C8orf34: variants seen among roughly 807,000 people sequenced by gnomAD.
C8orf34 encodes uncharacterized protein C8orf34.
In C8orf34, 65 loss-of-function variants were observed where a neutral mutation model predicts 68.3. The observed-to-expected ratio is 0.95, with a 90% CI of 0.78 to 1.17. The LOEUF (loss-of-function observed/expected upper bound fraction) is 1.17. Among genes scored for constraint, C8orf34 ranks in the 50% most tolerant of loss-of-function variants. The pLI, the probability that C8orf34 is intolerant of heterozygous loss-of-function variation, is 0.00. For missense variants in C8orf34, 664 were observed against 655.4 expected, an observed-to-expected ratio of 1.01 and a Z score of -0.14; for synonymous variants, 244 against 241.2, an observed-to-expected ratio of 1.01 and a Z score of -0.11.
intron 7 of C8orf34, chr8:68,535,100 C>A (rs1815407321): frequency 1.0e-6 from 1 of 984,896 alleles, no homozygotes; most frequent in African/African-American, 1.7e-5. Flanking sequence ...GTCCACTGGA[C>A]TTTATCTTAA....
chr8:68,536,065 A>G (rs899620775), intron 7 of C8orf34, among the ~76,000 whole-genome samples: 2 of 152,060 alleles, frequency 1.3e-5, no homozygotes, highest in Non-Finnish European at 2.9e-5. Context: ...CAAAAATGGA[A>G]TGACAAGTTA....
chr8:68,484,592 A>G (rs1327618541), intron 4 of C8orf34, among the ~76,000 whole-genome samples: 1 of 152,208 alleles, frequency 6.6e-6, no homozygotes, highest in African/African-American at 2.4e-5. Flanking sequence ...AATTTAAAAT[A>G]TGATACCTTT....
At chr8:68,640,247 A>T in intron 7 of C8orf34, 129 bp from the exon 8 acceptor site, 1 of 737,940 alleles carries the variant, frequency 1.4e-6, no homozygotes. Flanking sequence ...ATATGTAGTT[A>T]GATTTTTGCA....
intron 1 of C8orf34, among the ~76,000 whole-genome samples, chr8:68,385,219 C>T (rs552914046): frequency 6.6e-6 from 1 of 152,122 alleles, no homozygotes; most frequent in Non-Finnish European, 1.5e-5. Flanking sequence ...TTGTCAGCCT[C>T]ATTTTAGTGA....
chr8:68,525,414 C>T (rs546682317), intron 6 of C8orf34: 3 of 396,726 alleles, frequency 7.6e-6, no homozygotes, highest in Admixed American at 4.2e-5. Flanking sequence ...TACCTCATAA[C>T]TTATAAATTT....
At chr8:68,806,133 C>T (rs376736417) in intron 12 of C8orf34, among the ~76,000 whole-genome samples, 3 of 151,882 alleles carry the variant, frequency 2.0e-5, no homozygotes, top group African/African-American at 7.2e-5. Flanking sequence ...CTCTTCATCC[C>T]GAATTTTATA....
At chr8:68,772,843 C>CTT (rs1823391966) in intron 10 of C8orf34, among the ~76,000 whole-genome samples, 1 of 122,868 alleles carries the variant, frequency 8.1e-6, no homozygotes, top group Admixed American at 7.7e-5. Context: ...TTCTTTCTTT[C>CTT]TCTCTTTCTC....
At chr8:68,360,713 A>G (rs1806947513) in intron 1 of C8orf34, among the ~76,000 whole-genome samples, 1 of 151,170 alleles carries the variant, frequency 6.6e-6, no homozygotes, top group Non-Finnish European at 1.5e-5. Flanking sequence ...TTTGCTTGGT[A>G]ATGTCTCTAC....
At chr8:68,595,688 T>C (rs1313381602) in intron 7 of C8orf34, among the ~76,000 whole-genome samples, 1 of 152,144 alleles carries the variant, frequency 6.6e-6, no homozygotes, top group African/African-American at 2.4e-5. Context: ...TATTCTTTTC[T>C]CTTCACCTGA....
At chr8:68,350,908 A>T (rs1806484619) in intron 1 of C8orf34, among the ~76,000 whole-genome samples, 1 of 151,902 alleles carries the variant, frequency 6.6e-6, no homozygotes, top group Non-Finnish European at 1.5e-5. Flanking sequence ...TTGCTTTTTT[A>T]TCCAGTTTGC....
chr8:68,688,442 A>G (rs1218406596), intron 8 of C8orf34, among the ~76,000 whole-genome samples: 1 of 152,104 alleles, frequency 6.6e-6, no homozygotes, highest in Non-Finnish European at 1.5e-5. Context: ...AACCAGAAAT[A>G]CCACTTGACC....
Position 68,464,128 on chromosome 8 carries a change from A to G in C8orf34, c.608-4564A>G, listed in dbSNP as rs371257369. ...ACAAAATCAATGTACAAAAATCACA[A>G]GCATTCTTATACACCAATAACAGAC... On this transcript the variant is annotated intron_variant, in intron 3 of 13. Coordinates refer to ENST00000518698, the MANE Select transcript of C8orf34 (RefSeq NM_052958.4). Among the ~76,000 whole-genome samples, 110 of 152,308 alleles carry G rather than the reference A, an allele frequency of 7.2e-4. 2 individuals carry two copies. In the East Asian group the frequency reaches 0.019, roughly 26 times the overall value.
chr8:68,686,880 A>C (rs1346760886), intron 8 of C8orf34, among the ~76,000 whole-genome samples: 1 of 152,102 alleles, frequency 6.6e-6, no homozygotes, highest in African/African-American at 2.4e-5. Flanking sequence ...AAAACCCTAA[A>C]GACTCATCCA....
intron 10 of C8orf34, among the ~76,000 whole-genome samples, chr8:68,774,373 T>C (rs1302270872): frequency 7.6e-6 from 1 of 131,586 alleles, no homozygotes; most frequent in African/African-American, 3.4e-5. Context: ...AATAAACAGT[T>C]TATCTGAAAT....
intron 7 of C8orf34, among the ~76,000 whole-genome samples, chr8:68,560,164 A>G (rs1445974061): frequency 6.6e-6 from 1 of 151,100 alleles, no homozygotes. Context: ...TTTTTGAATG[A>G]AACAGTGTCG....
At chr8:68,425,995 A>G (rs1181043955) in intron 1 of C8orf34, among the ~76,000 whole-genome samples, 1 of 152,146 alleles carries the variant, frequency 6.6e-6, no homozygotes, top group African/African-American at 2.4e-5. Flanking sequence ...GACCTTAAAC[A>G]TTGCGTCTTA....
chr8:68,625,511 C>T (rs1051496824), intron 7 of C8orf34: 10 of 604,308 alleles, frequency 1.7e-5, no homozygotes, highest in Admixed American at 1.3e-4. Context: ...CTTGGGGTGG[C>T]GATGCTTTGT....
chr8:68,367,741 G>C (rs1807343571), intron 1 of C8orf34, among the ~76,000 whole-genome samples: 1 of 134,550 alleles, frequency 7.4e-6, no homozygotes, highest in African/African-American at 2.8e-5. Flanking sequence ...ACACTCTGGG[G>C]ACTGTGGTGG....
At chr8:68,482,933 A>G (rs1812922148) in intron 4 of C8orf34, among the ~76,000 whole-genome samples, 2 of 152,128 alleles carry the variant, frequency 1.3e-5, no homozygotes, top group South Asian at 4.1e-4. Flanking sequence ...AAAAAGGCTT[A>G]AAACAAGAAA....
Sources: gnomAD v4.1 joint callset for allele counts (sites outside exome capture counted in the v4.1 genomes callset) on GRCh38, gnomAD v4.1.1 for gene constraint, MANE v1.5 for transcripts, NCBI Gene and HGNC (gene_info 2026-07-23, HGNC 2026-07-21) for gene names.